Variants in UACA observed in about 807,000 individuals in gnomAD.
UACA encodes nuclear membrane binding protein.
In UACA, 112 loss-of-function variants were observed where a neutral mutation model predicts 160.5. That is an observed-to-expected ratio of 0.70 (90% confidence interval 0.60 to 0.82). The LOEUF is 0.82. Among genes scored for constraint, UACA ranks in the 40% least tolerant of loss-of-function variants. UACA has a pLI of 0.00. For synonymous variants in UACA, 557 were observed against 568.4 expected (o/e 0.98, Z 0.29); for missense variants, 1,574 against 1,614.6 (o/e 0.97, Z 0.43).
rs145243489 is a variant in UACA, at chr15:70,699,627, A to G, written c.112T>C (p.Leu38=). The G allele has an allele frequency of 1.9e-4, 308 of 1,611,282 alleles. No homozygotes were observed. In the African/African-American group the frequency reaches 3.8e-3, roughly 20 times the overall value. ...AADWNKYDDR[L]MKAAERGDVE... is the part of the protein sequence containing the mutation. ...TCCCCCCTTTCTGCTGCTTTCATCA[A>G]TCGGTCATCATATTTATTCCAATCT... The change falls in exon 2 of 19, where the codon TTG becomes CTG. Residue 38 remains leucine (L), a synonymous_variant. Coordinates refer to ENST00000322954, the MANE Select transcript of UACA (RefSeq NM_018003.4).
chr15:70,696,662 C>T (rs1283000445), intron 2 of UACA, among the ~76,000 whole-genome samples: 1 of 152,162 alleles, frequency 6.6e-6, no homozygotes. Flanking sequence ...AATTAAATCG[C>T]TATAAGGCTG....
intron 8 of UACA, 88 bp downstream of exon 8, chr15:70,684,177 T>G (rs1897620049): frequency 8.3e-7 from 1 of 1,207,614 alleles, no homozygotes; most frequent in African/African-American, 1.5e-5. Context: ...GTTTTGCTTC[T>G]TATAAACTGT....
rs140160623 is a variant in UACA at position 70,668,616 on chromosome 15, C to A, written c.2068G>T (p.Val690Phe). ...QHVKPEEHEQ[V>F]KSRLEQKSGE... ...GATTTCTGTTCTAATCTGCTCTTAACCTGTTCATGTTCCTCTGGTTTGACG... is the reference window on the plus strand; with the variant it reads ...GATTTCTGTTCTAATCTGCTCTTAAACTGTTCATGTTCCTCTGGTTTGACG... The change falls in exon 16 of 19, where the codon GTT becomes TTT. Residue 690 changes from valine to phenylalanine, a missense_variant. Coordinates refer to ENST00000322954, the MANE Select transcript of UACA (RefSeq NM_018003.4). 19 of 1,613,934 alleles carry A rather than the reference C, an allele frequency of 1.2e-5. No homozygotes were observed. The highest frequency in any genetic ancestry group is 4.5e-5 in the East Asian group (2 of 44,882).
rs532069044 is a variant in UACA at position 70,727,202 on chromosome 15, G to A, written c.79-27542C>T. 2.5e-3 allele frequency among the ~76,000 whole-genome samples: 387 copies of A among 152,212 alleles called. 5 individuals are homozygous for A. Among genetic ancestry groups the A allele is most frequent in the Non-Finnish European group, 3.7e-3 (252 of 68,024 alleles). On this transcript the variant is annotated intron_variant, in intron 1 of 18. Transcript: ENST00000322954. Reference sequence around the variant, plus strand: ...AAAAGATCCAACAGTATAAAGAAGGGTATATAAAAAGGAAAACCTCCTTCC... The same window carrying A: ...AAAAGATCCAACAGTATAAAGAAGGATATATAAAAAGGAAAACCTCCTTCC...
At chr15:70,754,009 T>G (rs981100256) in intron 1 of UACA, 4 of 404,714 alleles carry the variant, frequency 9.9e-6, no homozygotes, top group African/African-American at 8.3e-5. Flanking sequence ...TTTCATCATG[T>G]TGCCCAGGCT....
chr15:70,769,107 C>A, the UACA span, among the ~76,000 whole-genome samples: 135 of 151,924 alleles, frequency 8.9e-4, 1 homozygote, highest in African/African-American at 3.2e-3. Flanking sequence ...ACCTGTAATC[C>A]CAGCACTTTG....
chr15:70,722,832 T>A (rs1899031735), intron 1 of UACA, among the ~76,000 whole-genome samples: 1 of 152,152 alleles, frequency 6.6e-6, no homozygotes, highest in African/African-American at 2.4e-5. Context: ...TGGTGGCAAC[T>A]AAGAGAAGCT....
chr15:70,660,013 A>G, intron 18 of UACA, 138 bp downstream of exon 18: 1 of 663,600 alleles, frequency 1.5e-6, no homozygotes, highest in South Asian at 2.7e-5. Flanking sequence ...AATGATTAAA[A>G]GAAACATAAT....
chr15:70,716,574 T>C (rs1341399865), intron 1 of UACA, among the ~76,000 whole-genome samples: 2 of 152,218 alleles, frequency 1.3e-5, no homozygotes, highest in Non-Finnish European at 2.9e-5. Context: ...CCTCTTGTAG[T>C]CTAATTCAAT....
intron 3 of UACA, among the ~76,000 whole-genome samples, chr15:70,691,933 G>A (rs558571154): frequency 2.0e-5 from 3 of 152,220 alleles, no homozygotes; most frequent in Admixed American, 2.0e-4. Flanking sequence ...GCATTTTAAA[G>A]GAAATGCCAA....
rs973810831 is a variant in UACA at position 70,738,562 on chromosome 15, A to T, written c.78+24768T>A. On this transcript the variant is annotated intron_variant, in intron 1 of 18. Coordinates refer to ENST00000322954, the MANE Select transcript of UACA (RefSeq NM_018003.4). ...GATCCAGACCCCTAAGAGATCACTG[A>T]CAATAATCTCCTTCTACTTTCTCCC... 3.2e-4 allele frequency among the ~76,000 whole-genome samples: 48 copies of T among 152,134 alleles called. 2 individuals carry two copies. Among genetic ancestry groups the T allele is most frequent in the Non-Finnish European group, 2.9e-5 (2 of 68,028 alleles).
intron 1 of UACA, among the ~76,000 whole-genome samples, chr15:70,709,398 A>C (rs1259651233): frequency 1.3e-5 from 2 of 152,230 alleles, no homozygotes; most frequent in African/African-American, 4.8e-5. Context: ...ATCTAACTGG[A>C]TAACGTTAAA....
At chr15:70,678,027 T>C (rs1017408107) in intron 11 of UACA, 72 bp downstream of exon 11, 25 of 1,186,056 alleles carry the variant, frequency 2.1e-5, no homozygotes, top group Non-Finnish European at 2.8e-5. Flanking sequence ...TTACCTTCTT[T>C]AGCACAATCA....
intron 11 of UACA, among the ~76,000 whole-genome samples, chr15:70,677,418 T>G (rs1897332934): frequency 6.6e-6 from 1 of 152,168 alleles, no homozygotes; most frequent in Non-Finnish European, 1.5e-5. Flanking sequence ...TCCTCTCCAA[T>G]CCCATGGCCC....
chr15:70,684,436 T>C lies in UACA; in HGVS notation c.613A>G (p.Met205Val), dbSNP rs149120122. ...CTGCAACCATATTCGCAACCTAGCA[T>C]GAGGGCAGTTCTAAATGGAAAAATG... ...SRDKQNRTAL[M>V]LGCEYGCRDA... Residue 205 changes from methionine (M) to valine (V), a missense_variant, in exon 8 of 19, where the codon ATG becomes GTG. Transcript: ENST00000322954. The C allele has an allele frequency of 1.2e-6, 2 of 1,608,242 alleles. No homozygotes were observed. Among genetic ancestry groups the C allele is most frequent in the Non-Finnish European group, 1.7e-6 (2 of 1,178,226 alleles).
intron 1 of UACA, among the ~76,000 whole-genome samples, chr15:70,754,725 CA>C (rs141308352): frequency 0.18 from 27,823 of 152,098 alleles, 3,954 homozygotes; most frequent in African/African-American, 0.4. Flanking sequence ...GGATTTCTGA[CA>C]ATAAAACAAA....
At chr15:70,683,591 C>T (rs1897593401) in intron 8 of UACA, among the ~76,000 whole-genome samples, 1 of 152,050 alleles carries the variant, frequency 6.6e-6, no homozygotes, top group Non-Finnish European at 1.5e-5. Context: ...ATGTAGAAAA[C>T]TGCTTTATTA....
At chr15:70,762,880 C>T (rs2030856224) in intron 1 of UACA, among the ~76,000 whole-genome samples, 1 of 152,184 alleles carries the variant, frequency 6.6e-6, no homozygotes, top group Admixed American at 6.5e-5. Context: ...GGTGCGCAGC[C>T]CTGCCCACCT....
chr15:70,736,583 C>A (rs1401162950), intron 1 of UACA, among the ~76,000 whole-genome samples: 1 of 152,002 alleles, frequency 6.6e-6, no homozygotes, highest in Non-Finnish European at 1.5e-5. Context: ...TACAAGCACT[C>A]ACCACCACGC....
Sources: allele counts gnomAD v4.1 joint callset (sites outside exome capture counted in the v4.1 genomes callset), GRCh38; gene constraint gnomAD v4.1.1; transcripts MANE v1.5; gene names NCBI Gene and HGNC (gene_info 2026-07-23, HGNC 2026-07-21).